The following TRPM5 variants were observed in gnomAD, a reference collection of about 807,000 sequenced individuals.
TRPM5 encodes MLSN1 and TRP-related.
Under a neutral mutation model 124.9 loss-of-function variants are expected in TRPM5, and 121 were observed. That is an observed-to-expected ratio of 0.97 (90% CI 0.84 to 1.13). The LOEUF (loss-of-function observed/expected upper bound fraction) is 1.13. TRPM5 is among the 50% of genes most tolerant of loss of function. TRPM5 has a pLI of 0.00. For missense variants in TRPM5, 1,643 were observed against 1,589.1 expected, an observed-to-expected ratio of 1.03 and a Z score of -0.58; for synonymous variants, 781 against 700.5, an observed-to-expected ratio of 1.11 and a Z score of -1.81.
chr11:2,414,009 G>GGGGGGCCGCCCCCCCCCCC, intron 12 of TRPM5, 52 bp downstream of exon 17: 1 of 1,023,734 alleles, frequency 9.8e-7, no homozygotes, highest in Non-Finnish European at 1.4e-6. Context: ...GGCCCAGCTC[G>GGGGGGCCGCCCCCCCCCCC]CCCGCCCACC....
intron 6 of TRPM5, 101 bp downstream of exon 11, chr11:2,418,065 TG>T: frequency 1.7e-6 from 2 of 1,156,814 alleles, no homozygotes; most frequent in Non-Finnish European, 2.4e-6. Flanking sequence ...CAGCCTGAGG[TG>T]GGAGGAGTGG....
At chr11:2,422,605 C>T (rs1320781564) in intron 1 of TRPM5, among the ~76,000 whole-genome samples, 1 of 151,898 alleles carries the variant, frequency 6.6e-6, no homozygotes. Flanking sequence ...CCTGACCCCT[C>T]TCTGGGCTGG....
intron 20 of TRPM5, 59 bp from the exon 26 acceptor site, chr11:2,406,852 C>A: frequency 6.4e-7 from 1 of 1,565,964 alleles, no homozygotes; most frequent in African/African-American, 1.4e-5. Context: ...GTGGCAGAGC[C>A]CAGGCCTGGT....
At chr11:2,443,948 G>A in the TRPM5 span, among the ~76,000 whole-genome samples, 4 of 152,004 alleles carry the variant, frequency 2.6e-5, no homozygotes, top group Middle Eastern at 0.01. This position sits in a 1 kb window ranked among gnomAD's most constrained non-coding sequence, Gnocchi z 5.0. Flanking sequence ...TCCACGGGGC[G>A]CAGCGGCAGC....
rs1316312438 is a variant in TRPM5, at chr11:2,419,014, G to T, written c.650-423C>A. On this transcript the variant is annotated intron_variant, in intron 4 of 23. Transcript: ENST00000155858. The stretch of plus-strand genomic sequence containing the variant: ...AAGAGGTACAGGAGGGAGTCTTCAG[G>T]TTTCTCCCCCAAACAGAAGCTGGAA... Among the ~76,000 whole-genome samples the T allele has an allele frequency of 3.3e-5, 5 of 152,088 alleles. No homozygotes were observed. The East Asian group carries it at 9.7e-4, about 29-fold the overall frequency.
the TRPM5 span, among the ~76,000 whole-genome samples, chr11:2,442,342 C>A: frequency 6.6e-6 from 1 of 150,728 alleles, no homozygotes; most frequent in African/African-American, 2.4e-5. The surrounding 1 kb of genome is among the most constrained non-coding windows in gnomAD (Gnocchi z 5.9). Context: ...TACTGAAAAT[C>A]TTGGTTCCAA....
rs1030542962 is a variant in TRPM5 at position 2,422,314 on chromosome 11, C to T, written c.125G>A (p.Arg42Gln). The T allele has an allele frequency of 1.2e-5, 20 of 1,608,806 alleles. No individual in the cohort carries two copies. Among genetic ancestry groups the T allele is most frequent in the Admixed American group, 3.4e-5 (2 of 59,618 alleles). Residue 42 changes from arginine to glutamine, a missense_variant, in exon 2 of 24, where the codon CGG becomes CAG. Transcript: ENST00000155858. The stretch of plus-strand genomic sequence containing the variant: ...AGACGGGGCCACTCCGCTCGGCACC[C>T]GTACAAACTGCAAGGCAGGTCTGCA...
chr11:2,411,440 A>C, exon 18 of TRPM5: 5 of 1,612,354 alleles, frequency 3.1e-6, no homozygotes, highest in Non-Finnish European at 4.2e-6. Flanking sequence ...GGCGGCCGTC[A>C]TGGGGGTGCA....
chr11:2,404,978 A>G lies in TRPM5; in HGVS notation c.3457T>C (p.Trp1153Arg), dbSNP rs149930824. 4.1e-4 allele frequency: 667 copies of G among 1,612,734 alleles called. 4 individuals are homozygous for G. The African/African-American group carries it at 7.8e-3, about 19-fold the overall frequency. Residue 1153 changes from tryptophan to arginine, a missense_variant, in exon 24 of 24, where the codon TGG becomes CGG. By Grantham distance (101) the Trp-to-Arg change is moderately radical. Transcript: ENST00000155858. Reference sequence around the variant, plus strand: ...GGCTGGCCAGCCCCGGGTTGTTCCCAGCCATCTAAACCACCTCTGTGGTCA... The same window carrying G: ...GGCTGGCCAGCCCCGGGTTGTTCCCGGCCATCTAAACCACCTCTGTGGTCA...
chr11:2,405,064 CCT>C (rs1321553736), intron 23 of TRPM5, 21 bp from the exon 29 acceptor site: 5 of 1,604,386 alleles, frequency 3.1e-6, no homozygotes, highest in South Asian at 2.2e-5. Context: ...GGAAGGCCCC[CCT>C]GAGCGGTGGG....
At chr11:2,416,953 C>T (rs1001947390) in intron 7 of TRPM5, among the ~76,000 whole-genome samples, 1 of 152,184 alleles carries the variant, frequency 6.6e-6, no homozygotes, top group Non-Finnish European at 1.5e-5. Context: ...CACGGAGGAA[C>T]CGTCAAACCC....
At chr11:2,406,201 G>C in intron 21 of TRPM5, 110 bp from the exon 27 acceptor site, 2 of 1,207,880 alleles carry the variant, frequency 1.7e-6, no homozygotes, top group Non-Finnish European at 2.4e-6. Context: ...GGGGTGCCCT[G>C]GCCCTTTCCC....
chr11:2,410,785 G>A (rs1850430235), intron 18 of TRPM5: 1 of 412,458 alleles, frequency 2.4e-6, no homozygotes, highest in South Asian at 1.8e-5. Flanking sequence ...ACATTGGGGT[G>A]GGTCCCCAGG....
At chr11:2,412,050 AC>A (rs1347331833) in intron 16 of TRPM5, 84 bp downstream of exon 21, 6 of 1,222,610 alleles carry the variant, frequency 4.9e-6, no homozygotes, top group Non-Finnish European at 7.2e-6. Context: ...CACAAGTGCC[AC>A]CGCCACACCC....
intron 15 of TRPM5, 105 bp from the exon 21 acceptor site, chr11:2,412,358 G>A: frequency 3.5e-6 from 2 of 563,426 alleles, no homozygotes; most frequent in South Asian, 2.8e-5. Flanking sequence ...TTCCATCTAT[G>A]ACCAGGGCCG....
chr11:2,406,695 T>C (rs992143081), exon 21 of TRPM5: 7 of 1,613,332 alleles, frequency 4.3e-6, no homozygotes, highest in Non-Finnish European at 5.9e-6. Flanking sequence ...TCCCCCTCGC[T>C]GTCCCTCCTC....
At chr11:2,425,287 C>T (rs7102766), upstream of TRPM5, among the ~76,000 whole-genome samples, 6,193 of 152,278 alleles carry the variant, frequency 0.041, 425 homozygotes, top group African/African-American at 0.14. Context: ...CCGTGCTCCC[C>T]CTGGAAGCTC....
At chr11:2,418,132 G>C (rs1407426255) in intron 6 of TRPM5, 35 bp downstream of exon 11, 1 of 1,503,220 alleles carries the variant, frequency 6.7e-7, no homozygotes, top group East Asian at 2.5e-5. Context: ...CCCCGGAGGA[G>C]GGGTCGGGAG....
At chr11:2,441,899 G>A in the TRPM5 span, among the ~76,000 whole-genome samples, 1 of 152,050 alleles carries the variant, frequency 6.6e-6, no homozygotes, top group Non-Finnish European at 1.5e-5. This position sits in a 1 kb window ranked among gnomAD's most constrained non-coding sequence, Gnocchi z 7.2. Flanking sequence ...ATGTTGACCA[G>A]GCTGGTCTCA....
Sources: allele counts gnomAD v4.1 joint callset (sites outside exome capture counted in the v4.1 genomes callset), GRCh38; gene constraint gnomAD v4.1.1; non-coding constraint Gnocchi (gnomAD v3.1); transcripts MANE v1.5; gene names NCBI Gene and HGNC (gene_info 2026-07-23, HGNC 2026-07-21).